The following CCSER1 variants were observed in gnomAD, a reference collection of about 807,000 sequenced individuals.
The protein encoded by CCSER1 is serine-rich coiled-coil domain-containing protein 1.
A neutral mutation model predicts 82.0 loss-of-function variants in CCSER1; 41 were observed. The observed-to-expected ratio is 0.50, with a 90% CI of 0.39 to 0.65. The LOEUF (loss-of-function observed/expected upper bound fraction) is 0.65. Ranked by LOEUF, CCSER1 falls within the 30% of genes least tolerant of loss-of-function variation. The pLI, the probability that CCSER1 is intolerant of heterozygous loss-of-function variation, is 0.00. For missense variants in CCSER1, 1,119 were observed against 1,064.2 expected (o/e 1.05, Z -0.72); for synonymous variants, 414 against 383.9 (o/e 1.08, Z -0.92).
chr4:90,647,182 G>A (rs564492665), intron 6 of CCSER1, among the ~76,000 whole-genome samples: 12 of 152,276 alleles, frequency 7.9e-5, no homozygotes, highest in Admixed American at 4.6e-4. Flanking sequence ...CATTATGGTA[G>A]TTTAACTGCT....
At chr4:90,404,265 C>T (rs1400633026) in intron 4 of CCSER1, 1 of 152,198 alleles carries the variant, frequency 6.6e-6, no homozygotes, top group Non-Finnish European at 1.5e-5. Context: ...TATAACTCCA[C>T]TGGTCTGGGA....
chr4:90,567,506 T>A (rs536555875), intron 5 of CCSER1, among the ~76,000 whole-genome samples: 5 of 152,052 alleles, frequency 3.3e-5, no homozygotes, highest in Non-Finnish European at 7.4e-5. Flanking sequence ...GTCAGGCTGG[T>A]CTCAAACTCC....
chr4:90,145,438 G>A (rs1725622873), intron 1 of CCSER1, among the ~76,000 whole-genome samples: 1 of 152,074 alleles, frequency 6.6e-6, no homozygotes, highest in African/African-American at 2.4e-5. Context: ...TTTCATTGCT[G>A]TATCAGTGTG....
chr4:90,716,741 A>G (rs1275405911), intron 6 of CCSER1, among the ~76,000 whole-genome samples: 3 of 151,856 alleles, frequency 2.0e-5, no homozygotes, highest in South Asian at 2.1e-4. Context: ...AGACTAAGCT[A>G]TCTAGGTTTG....
At chr4:91,474,815 A>ATATATATG (rs1560700786) in intron 10 of CCSER1, among the ~76,000 whole-genome samples, 30 of 63,402 alleles carry the variant, frequency 4.7e-4, no homozygotes, top group African/African-American at 1.8e-3. Context: ...ATATATATAC[A>ATATATATG]CACACACACA....
At chr4:90,985,084 C>T (rs1736470979) in intron 9 of CCSER1, among the ~76,000 whole-genome samples, 2 of 151,670 alleles carry the variant, frequency 1.3e-5, no homozygotes, top group South Asian at 4.1e-4. Flanking sequence ...TTCAACCTCT[C>T]TCTGTCGTTT....
Position 90,272,918 on chromosome 4 carries a change from G to A in CCSER1, c.-41-35326G>A, listed in dbSNP as rs144739559. 5.4e-3 allele frequency among the ~76,000 whole-genome samples: 817 copies of A among 152,208 alleles called. 6 individuals are homozygous for A. The highest frequency in any genetic ancestry group is 0.031 in the Middle Eastern group (9 of 294). On this transcript the variant is annotated intron_variant, in intron 1 of 10. Coordinates refer to ENST00000509176, the MANE Select transcript of CCSER1 (RefSeq NM_001145065.2). Reference sequence around the variant, plus strand: ...CTCGGGAGGCTGAGGCAGGAGAATCGCTTGAACCCAGGAGGCGGAGTTTGC... The same window carrying A: ...CTCGGGAGGCTGAGGCAGGAGAATCACTTGAACCCAGGAGGCGGAGTTTGC...
At chr4:91,174,698 T>C (rs897749039) in intron 10 of CCSER1, among the ~76,000 whole-genome samples, 3 of 152,328 alleles carry the variant, frequency 2.0e-5, no homozygotes, top group South Asian at 2.1e-4. Context: ...TAATGTGTTA[T>C]ACCATTGATA....
At chr4:90,276,140 G>C (rs1727484759) in intron 1 of CCSER1, among the ~76,000 whole-genome samples, 1 of 151,960 alleles carries the variant, frequency 6.6e-6, no homozygotes, top group Non-Finnish European at 1.5e-5. Context: ...TTGTGTGTGT[G>C]TCTCCTGGAA....
chr4:90,794,336 T>C (rs1275020458), intron 7 of CCSER1, among the ~76,000 whole-genome samples: 1 of 152,222 alleles, frequency 6.6e-6, no homozygotes, highest in African/African-American at 2.4e-5. Flanking sequence ...AGTAGATTTT[T>C]GTATATGATG....
At chr4:91,203,422 T>A (rs1029604968) in intron 10 of CCSER1, among the ~76,000 whole-genome samples, 1 of 151,980 alleles carries the variant, frequency 6.6e-6, no homozygotes, top group Admixed American at 6.6e-5. Flanking sequence ...TGCCTAATAC[T>A]ACTCTTCTGT....
At chr4:90,382,497 T>C (rs571695997) in intron 3 of CCSER1, among the ~76,000 whole-genome samples, 2 of 152,250 alleles carry the variant, frequency 1.3e-5, no homozygotes, top group East Asian at 1.9e-4. Context: ...TTAATATTGC[T>C]GAAATGTTTG....
At chr4:90,791,843 A>ACACG (rs1755301610) in intron 7 of CCSER1, among the ~76,000 whole-genome samples, 1 of 151,190 alleles carries the variant, frequency 6.6e-6, no homozygotes, top group South Asian at 2.1e-4. Context: ...ACACACACAC[A>ACACG]CACACGTTTA....
rs1294453306 is a variant in CCSER1 at position 91,383,576 on chromosome 4, A to AT, written c.2218-214990dup. ...AGTTTAGGATAAATAGTTCAATCAT[A>AT]TTTTTTAGGACAAACTATAGCCACT... On this transcript the variant is annotated intron_variant, in intron 10 of 10. Coordinates refer to ENST00000509176, the MANE Select transcript of CCSER1 (RefSeq NM_001145065.2). 7.2e-5 allele frequency among the ~76,000 whole-genome samples: 11 copies of AT among 152,182 alleles called. No individual in the cohort carries two copies. In the East Asian group the frequency reaches 2.1e-3, roughly 29 times the overall value.
chr4:91,161,061 T>C (rs1431757259), intron 10 of CCSER1, among the ~76,000 whole-genome samples: 1 of 152,184 alleles, frequency 6.6e-6, no homozygotes, highest in Non-Finnish European at 1.5e-5. Flanking sequence ...CTTTAATCCA[T>C]CTTGAATTAA....
chr4:90,571,572 A>G (rs1780122158), intron 5 of CCSER1, among the ~76,000 whole-genome samples: 1 of 152,174 alleles, frequency 6.6e-6, no homozygotes, highest in African/African-American at 2.4e-5. Flanking sequence ...AAGATGGGAC[A>G]ATAGACAACA....
chr4:91,083,864 A>AT (rs2148811487), intron 9 of CCSER1, among the ~76,000 whole-genome samples: 1 of 152,298 alleles, frequency 6.6e-6, no homozygotes, highest in Non-Finnish European at 1.5e-5. Flanking sequence ...TTTTGGTGAC[A>AT]TTAACAAGTC....
chr4:91,510,056 T>A (rs1041930824), intron 10 of CCSER1, among the ~76,000 whole-genome samples: 1 of 152,170 alleles, frequency 6.6e-6, no homozygotes, highest in Non-Finnish European at 1.5e-5. Flanking sequence ...AATCTTCTTA[T>A]GCCCGTGAGT....
intron 1 of CCSER1, among the ~76,000 whole-genome samples, chr4:90,278,031 C>T (rs1475406844): frequency 6.6e-6 from 1 of 152,070 alleles, no homozygotes; most frequent in Non-Finnish European, 1.5e-5. Flanking sequence ...ACATGAAAGA[C>T]ACTTCTCAAG....
Sources: allele counts gnomAD v4.1 joint callset (sites outside exome capture counted in the v4.1 genomes callset), GRCh38; gene constraint gnomAD v4.1.1; transcripts MANE v1.5; gene names NCBI Gene and HGNC (gene_info 2026-07-23, HGNC 2026-07-21).